The following CBX8 variants were observed in gnomAD, a reference collection of about 807,000 sequenced individuals.
CBX8 encodes the protein chromobox protein homolog 8.
A neutral mutation model predicts 39.7 loss-of-function variants in CBX8; 8 were observed. That is an observed-to-expected ratio of 0.20 (90% CI 0.12 to 0.36). The LOEUF is 0.36. Among genes scored for constraint, CBX8 ranks in the 10% least tolerant of loss-of-function variants. CBX8 has a pLI of 1.00. For missense variants in CBX8, 505 were observed against 529.6 expected, an observed-to-expected ratio of 0.95 and a Z score of 0.46; for synonymous variants, 268 against 219.8, an observed-to-expected ratio of 1.22 and a Z score of -1.94.
In CBX8 at chr17:79,794,919, C is replaced by A. The variant is rs1430162896; in HGVS notation, c.886G>T (p.Gly296Cys). The A allele has an allele frequency of 6.2e-7, 1 of 1,609,158 alleles. No homozygotes were observed. Among genetic ancestry groups the A allele is most frequent in the Non-Finnish European group, 8.5e-7 (1 of 1,177,496 alleles). The part of the protein sequence containing the change: ...KHRAAFLEAK[G>C]QGALDPNGTR... ...CCATTGGGATCTAGGGCACCCTGGC[C>A]TTTGGCCTCCAGGAAGGCAGCCCTG... is the stretch of plus-strand genomic sequence containing the variant. The change falls in exon 5 of 5, where the codon GGC (glycine) becomes TGC (cysteine). Residue 296 changes from glycine to cysteine, a missense_variant. Transcript: ENST00000269385.
chr17:79,794,836 G>T lies in CBX8; in HGVS notation c.969C>A (p.Asp323Glu). ...PPSSGGGLYR[D>E]MGAQGGRPSL... The stretch of plus-strand genomic sequence containing the variant: ...AGGGCCTTCCCCCCTGGGCCCCCAT[G>T]TCCCGGTACAGGCCCCCCCCAGAGC... Residue 323 changes from aspartate to glutamate, a missense_variant, in exon 5 of 5, where the codon GAC becomes GAA. Transcript: ENST00000269385. 1.2e-6 allele frequency: 2 copies of T among 1,608,860 alleles called. No individual in the cohort carries two copies. Among genetic ancestry groups the T allele is most frequent in the East Asian group, 4.5e-5 (2 of 44,840 alleles).
chr17:79,794,561 GA>G lies in CBX8; in HGVS notation c.*73del, dbSNP rs1446493431. 2.4e-5 allele frequency: 29 copies of G among 1,229,598 alleles called. No individual in the cohort carries two copies. The highest frequency in any genetic ancestry group is 3.3e-5 in the Non-Finnish European group (29 of 883,818). 76.2% of individuals were successfully genotyped at this position (1,229,598 alleles called of 1,614,324 possible). A position where few individuals can be genotyped will look rare whatever the true frequency, so the allele number is the denominator to read the frequency against. On this transcript the variant is annotated 3_prime_UTR_variant, in exon 5 of 5. Coordinates refer to ENST00000269385, the MANE Select transcript of CBX8 (RefSeq NM_020649.3). Reference sequence around the variant, plus strand: ...CAGCCAAAAGGCCACATCCCACCCAGAAATAAAAATCACTATGCCAAGCTCA... The same window carrying G: ...CAGCCAAAAGGCCACATCCCACCCAGAATAAAAATCACTATGCCAAGCTCA...
rs149867170 is a variant in CBX8 at position 79,794,803 on chromosome 17, G to A, written c.1002C>T (p.Ile334=). ...GGATTCTGGCCACAGGGATCCTGGC[G>A]ATGAGGGAGGGCCTTCCCCCCTGGG... ...MGAQGGRPSL[I]ARIPVARILG... The change falls in exon 5 of 5, where the codon ATC becomes ATT. Residue 334 remains isoleucine, a synonymous_variant. Coordinates refer to ENST00000269385, the MANE Select transcript of CBX8 (RefSeq NM_020649.3). 194 of 1,612,536 alleles carry A rather than the reference G, an allele frequency of 1.2e-4. 1 individual carries two copies. In the African/African-American group the frequency reaches 2.3e-3, roughly 19 times the overall value.
At position 79,792,364 on chromosome 17, in the gene CBX8, G is replaced by T. The variant is rs1293624393; in HGVS notation, c.*2271C>A. Reference sequence around the variant, plus strand: ...CCCACCCACCCCCCAGGTCAGCGTCGCAAGAGCGAGAGAAGGAGACACATA... The same window carrying T: ...CCCACCCACCCCCCAGGTCAGCGTCTCAAGAGCGAGAGAAGGAGACACATA... On this transcript the variant is annotated 3_prime_UTR_variant, in exon 5 of 5. Coordinates refer to ENST00000269385, the MANE Select transcript of CBX8 (RefSeq NM_020649.3). 2 of 129,978 alleles carry T rather than the reference G, an allele frequency of 1.5e-5. No homozygotes were observed. The highest frequency in any genetic ancestry group is 3.1e-5 in the Non-Finnish European group (2 of 63,662). The allele number at this position is 129,978 out of a possible 1,614,324, so 8.1% of individuals were successfully genotyped here. A position where few individuals can be genotyped will look rare whatever the true frequency, so the allele number is the denominator to read the frequency against.
At position 79,794,129 on chromosome 17, in the gene CBX8, T is replaced by G. The variant is rs1907979215; in HGVS notation, c.*506A>C. On this transcript the variant is annotated 3_prime_UTR_variant, in exon 5 of 5. Coordinates refer to ENST00000269385, the MANE Select transcript of CBX8 (RefSeq NM_020649.3). ...TTGGGGAGCCAACCTTTTGTTGGCC[T>G]GCCTGGCCAATGGGAAGAGAGAGCA... The G allele has an allele frequency of 6.6e-6, 1 of 151,928 alleles. No homozygotes were observed. Among genetic ancestry groups the G allele is most frequent in the Non-Finnish European group, 1.5e-5 (1 of 67,998 alleles). 9.4% of individuals were successfully genotyped at this position (151,928 alleles called of 1,614,324 possible). A position where few individuals can be genotyped will look rare whatever the true frequency, so the allele number is the denominator to read the frequency against.
intron 1 of CBX8, 57 bp downstream of exon 1, chr17:79,796,873 C>A (rs1435218163): frequency 2.7e-6 from 4 of 1,508,868 alleles, no homozygotes; most frequent in Admixed American, 1.9e-5. Flanking sequence ...GGGAGGGAAC[C>A]CGGGCCGGGA....
In CBX8 at chr17:79,792,732, A is replaced by G. The variant is rs1240768811; in HGVS notation, c.*1903T>C. The G allele has an allele frequency of 6.6e-6, 1 of 152,246 alleles. No individual in the cohort carries two copies. Among genetic ancestry groups the G allele is most frequent in the Non-Finnish European group, 1.5e-5 (1 of 68,042 alleles). The allele number at this position is 152,246 out of a possible 1,614,324, so 9.4% of individuals were successfully genotyped here. ...ATCCCCATTCCAGGGGCTTCTCTTT[A>G]TAGGCGCAATTTGATATTCAAAAAC... On this transcript the variant is annotated 3_prime_UTR_variant, in exon 5 of 5. Coordinates refer to ENST00000269385, the MANE Select transcript of CBX8 (RefSeq NM_020649.3).
chr17:79,794,009 A>T lies in CBX8; in HGVS notation c.*626T>A, dbSNP rs965997168. The T allele has an allele frequency of 6.6e-6, 1 of 150,758 alleles. No individual in the cohort carries two copies. The highest frequency in any genetic ancestry group is 1.5e-5 in the Non-Finnish European group (1 of 67,432). The allele number at this position is 150,758 out of a possible 1,614,324, so 9.3% of individuals were successfully genotyped here. A position where few individuals can be genotyped will look rare whatever the true frequency, so the allele number is the denominator to read the frequency against. Reference sequence around the variant, plus strand: ...ACATCACACACGAAAAGCTTATTCAAGTTAATACTTTTTTCCCTAATAGAC... The same window carrying T: ...ACATCACACACGAAAAGCTTATTCATGTTAATACTTTTTTCCCTAATAGAC... On this transcript the variant is annotated 3_prime_UTR_variant, in exon 5 of 5. Transcript: ENST00000269385.
rs764060512 is a variant in CBX8 at position 79,796,520 on chromosome 17, C to T, written c.90G>A (p.Val30=). 9.9e-6 allele frequency: 16 copies of T among 1,614,100 alleles called. No homozygotes were observed. The South Asian group carries it at 1.1e-4, about 11-fold the overall frequency. The part of the protein sequence containing the change: ...RIRKGRMEYL[V]KWKGWSQKYS... ...ACTTCTGCGACCATCCCTTCCATTTCACGAGGTATTCCATGCGTCCCTGCG... is the reference window on the plus strand; with the variant it reads ...ACTTCTGCGACCATCCCTTCCATTTTACGAGGTATTCCATGCGTCCCTGCG... The change falls in exon 2 of 5, where the codon GTG becomes GTA. Residue 30 remains valine, a synonymous_variant. Transcript: ENST00000269385.
chr17:79,796,386 T>C, intron 2 of CBX8, 71 bp from the exon 3 acceptor site: 2 of 1,594,306 alleles, frequency 1.3e-6, no homozygotes, highest in Non-Finnish European at 1.7e-6. Flanking sequence ...TGTGTGTGTG[T>C]GTAACTTTTC....
In CBX8 at chr17:79,795,493, G is replaced by C; in HGVS notation, c.312C>G (p.Ile104Met). The change falls in exon 5 of 5, where the codon ATC becomes ATG. Residue 104 changes from isoleucine (I) to methionine (M), a missense_variant. Physicochemically the swap from Ile to Met is conservative, Grantham distance 10. This residue lies in a region of CBX8 where 456 missense variants were observed against 389.2 expected (regional missense o/e 1.17). Transcript: ENST00000269385. The surrounding 1 kb of genome is among the most constrained non-coding windows in gnomAD (Gnocchi z 5.8). ...CCTGGGGCGAGCGGCCAGGGTAGGG[G>C]ATCCGGATGCCCCTGGCTGAGTCAC... ...FRSDSARGIRIPYPGRSPQDL... is the reference protein window; with the variant it reads ...FRSDSARGIRMPYPGRSPQDL... 1 of 1,570,452 alleles carries C rather than the reference G, an allele frequency of 6.4e-7. No homozygotes were observed. Among genetic ancestry groups the C allele is most frequent in the Non-Finnish European group, 8.6e-7 (1 of 1,159,322 alleles).
rs755213679 is a variant in CBX8 at position 79,794,977 on chromosome 17, A to G, written c.828T>C (p.Ala276=). The change falls in exon 5 of 5, where the codon GCT becomes GCC. Residue 276 remains alanine (A), a synonymous_variant. Transcript: ENST00000269385. ...TCACCCTGGCCGGGAAGGTGTCCAC[A>G]GCCAGTTTGCCCGTGGCCTCAGCTG... ...PSSAEATGKL[A]VDTFPARVIK... is the part of the protein sequence containing the mutation. 5 of 1,605,512 alleles carry G rather than the reference A, an allele frequency of 3.1e-6. No homozygotes were observed. The East Asian group carries it at 6.7e-5, about 22-fold the overall frequency.
In CBX8 at chr17:79,793,348, C is replaced by G. The variant is rs568222223; in HGVS notation, c.*1287G>C. The G allele has an allele frequency of 2.8e-4, 42 of 152,346 alleles. No homozygotes were observed. Among genetic ancestry groups the G allele is most frequent in the African/African-American group, 9.6e-4 (40 of 41,572 alleles). The allele number at this position is 152,346 out of a possible 1,614,324, so 9.4% of individuals were successfully genotyped here. A position where few individuals can be genotyped will look rare whatever the true frequency, so the allele number is the denominator to read the frequency against. On this transcript the variant is annotated 3_prime_UTR_variant, in exon 5 of 5. Coordinates refer to ENST00000269385, the MANE Select transcript of CBX8 (RefSeq NM_020649.3). ...GGACGGGGGAAAAAAAAGGAAAAAG[C>G]AAAAGTTCCGATGCGCATTCTTGGA...
chr17:79,796,953 G>C lies in CBX8; in HGVS notation c.46C>G (p.Leu16Val). Residue 16 changes from leucine to valine, a missense_variant, in exon 1 of 5, where the codon CTC becomes GTC. Around this residue, in one of 3 missense-constraint regions of CBX8, gnomAD observed 32 missense variants for 101.4 expected, o/e 0.32. Coordinates refer to ENST00000269385, the MANE Select transcript of CBX8 (RefSeq NM_020649.3). ...ACTTTCCGTATGCGCCGCTTCAGGA[G>C]GGCTTCGGCCGCGAACACCCGCTCC... ...VGERVFAAEA[L>V]LKRRIRKGRM... 6.2e-7 allele frequency: 1 copy of C among 1,610,974 alleles called. No homozygotes were observed. The highest frequency in any genetic ancestry group is 8.5e-7 in the Non-Finnish European group (1 of 1,179,074).
chr17:79,792,244 T>C lies in CBX8; in HGVS notation c.*2391A>G, dbSNP rs1463462153. On this transcript the variant is annotated 3_prime_UTR_variant, in exon 5 of 5. Coordinates refer to ENST00000269385, the MANE Select transcript of CBX8 (RefSeq NM_020649.3). ...ACTCTTGAGCTGAGGCGGAGATCGA[T>C]TGGAGATTTGTACAAATCTTAGAAT... The C allele has an allele frequency of 6.6e-6, 1 of 152,172 alleles. No individual in the cohort carries two copies. Among genetic ancestry groups the C allele is most frequent in the African/African-American group, 2.4e-5 (1 of 41,434 alleles). The allele number at this position is 152,172 out of a possible 1,614,324, so 9.4% of individuals were successfully genotyped here.
intron 1 of CBX8, 95 bp downstream of exon 1, chr17:79,796,835 G>A: frequency 1.6e-6 from 2 of 1,233,574 alleles, no homozygotes; most frequent in Non-Finnish European, 2.3e-6. Context: ...GCTGGGACCT[G>A]GGGGAAGGGA....
In CBX8 at chr17:79,795,315, T is replaced by A. The variant is rs199697101; in HGVS notation, c.490A>T (p.Arg164Trp). Reference protein sequence around the residue: ...RDRDRERDRERERERERERER... With the variant: ...RDRDRERDREWERERERERER... ...CGCTCCCTCTCTCGCTCCCTCTCCC[T>A]TTCTCGATCCCGCTCCCGGTCCCTA... Residue 164 changes from arginine to tryptophan, a missense_variant, in exon 5 of 5, where the codon AGG (arginine) becomes TGG (tryptophan). Arg to Trp is a moderately radical substitution (Grantham distance 101). Coordinates refer to ENST00000269385, the MANE Select transcript of CBX8 (RefSeq NM_020649.3). This position sits in a 1 kb window ranked among gnomAD's most constrained non-coding sequence, Gnocchi z 5.8. 14 of 1,586,338 alleles carry A rather than the reference T, an allele frequency of 8.8e-6. No individual in the cohort carries two copies. The highest frequency in any genetic ancestry group is 1.3e-5 in the African/African-American group (1 of 74,638).
chr17:79,796,637 C>T, intron 1 of CBX8, 97 bp from the exon 2 acceptor site: 1 of 1,379,890 alleles, frequency 7.2e-7, no homozygotes, highest in Admixed American at 1.9e-5. Context: ...GATGAATGCT[C>T]GAAACCCCGC....
rs1568507876 is a variant in CBX8, at chr17:79,795,340, ATCCCGGTCTCGG to A, written c.453_464del (p.Asp155_Arg158del). On this transcript the variant is annotated inframe_deletion, in exon 5 of 5. Transcript: ENST00000269385. This position sits in a 1 kb window ranked among gnomAD's most constrained non-coding sequence, Gnocchi z 5.8. ...TTTCTCGATCCCGCTCCCGGTCCCT[ATCCCGGTCTCGG>A]TCCCGGTCCCGAGGGGCCTCTGCGC... 6.3e-6 allele frequency: 10 copies of A among 1,586,768 alleles called. No homozygotes were observed. The highest frequency in any genetic ancestry group is 1.3e-5 in the African/African-American group (1 of 74,386).
Sources: gnomAD v4.1 joint callset for allele counts on GRCh38, gnomAD v4.1.1 for gene constraint, gnomAD v4.1.1 regional missense constraint, Gnocchi (gnomAD v3.1) non-coding constraint, MANE v1.5 for transcripts, NCBI Gene and HGNC (gene_info 2026-07-23, HGNC 2026-07-21) for gene names.